Variants in GPC5 observed in about 807,000 individuals in gnomAD.
GPC5 encodes the protein glypican 5, also known as glypican-5.
Under a neutral mutation model 53.9 loss-of-function variants are expected in GPC5, and 47 were observed. The ratio of observed to expected loss-of-function variants is 0.87; its 90% CI spans 0.69 to 1.11. The LOEUF is 1.11. Among genes scored for constraint, GPC5 ranks in the 50% most tolerant of loss-of-function variants. The pLI is 0.00. For missense variants in GPC5, 748 were observed against 713.1 expected, an observed-to-expected ratio of 1.05 and a Z score of -0.56; for synonymous variants, 286 against 263.3, an observed-to-expected ratio of 1.09 and a Z score of -0.84.
intron 7 of GPC5, among the ~76,000 whole-genome samples, chr13:92,455,656 T>A (rs1594216014): frequency 6.6e-6 from 1 of 152,194 alleles, no homozygotes; most frequent in African/African-American, 2.4e-5. Flanking sequence ...AATTCTGAGA[T>A]TCTTAAAAAA....
intron 1 of GPC5, among the ~76,000 whole-genome samples, chr13:91,434,342 A>G (rs1373733634): frequency 6.6e-6 from 1 of 152,016 alleles, no homozygotes; most frequent in Non-Finnish European, 1.5e-5. Context: ...TAGGTCTAAC[A>G]TTTAAGTCTT....
At chr13:92,838,384 T>C (rs370264228) in intron 7 of GPC5, among the ~76,000 whole-genome samples, 1 of 150,482 alleles carries the variant, frequency 6.6e-6, no homozygotes, top group Non-Finnish European at 1.5e-5. Flanking sequence ...CTCAGGAGGC[T>C]GAGGCAGGAG....
rs557957475 is a variant in GPC5 at position 91,740,346 on chromosome 13, T to C, written c.1154+11681T>C. 2.8e-4 allele frequency among the ~76,000 whole-genome samples: 43 copies of C among 152,338 alleles called. No homozygotes were observed. The South Asian group carries it at 5.6e-3, about 20-fold the overall frequency. ...ATTTTTTTCTCCCTGTTTTTCTATA[T>C]TCATTTCACAGAGGTCCCTTCTGTT... On this transcript the variant is annotated intron_variant, in intron 4 of 7. Transcript: ENST00000377067.
intron 5 of GPC5, among the ~76,000 whole-genome samples, chr13:91,839,188 T>C (rs1018700166): frequency 2.0e-5 from 3 of 152,182 alleles, no homozygotes; most frequent in African/African-American, 7.2e-5. Context: ...ACTTGTTTAT[T>C]TATTTAGTCC....
intron 5 of GPC5, among the ~76,000 whole-genome samples, chr13:91,827,646 G>A (rs186970135): frequency 2.0e-5 from 3 of 152,078 alleles, no homozygotes; most frequent in Admixed American, 6.6e-5. Context: ...AATCAAGACT[G>A]CAATGAAATA....
intron 7 of GPC5, among the ~76,000 whole-genome samples, chr13:92,821,206 A>G (rs1468681327): frequency 6.6e-6 from 1 of 152,214 alleles, no homozygotes; most frequent in Non-Finnish European, 1.5e-5. Flanking sequence ...TACATTTGTT[A>G]AATGAATGAA....
intron 6 of GPC5, among the ~76,000 whole-genome samples, chr13:92,120,728 G>A (rs2041642363): frequency 6.6e-6 from 1 of 152,102 alleles, no homozygotes; most frequent in Non-Finnish European, 1.5e-5. Context: ...TTTAAGTGAT[G>A]TTTACTAAAC....
intron 6 of GPC5, among the ~76,000 whole-genome samples, chr13:91,928,069 T>C (rs2039785530): frequency 2.0e-5 from 3 of 152,204 alleles, no homozygotes; most frequent in African/African-American, 7.2e-5. Flanking sequence ...CATATCCACA[T>C]ATTCTCCATC....
chr13:92,227,562 C>T (rs1468266502), intron 7 of GPC5, among the ~76,000 whole-genome samples: 1 of 152,088 alleles, frequency 6.6e-6, no homozygotes, highest in Non-Finnish European at 1.5e-5. Flanking sequence ...GGAAAGCTAT[C>T]ATGTGAAAGA....
At chr13:91,617,565 A>G (rs1320964222) in intron 2 of GPC5, among the ~76,000 whole-genome samples, 1 of 152,120 alleles carries the variant, frequency 6.6e-6, no homozygotes, top group East Asian at 1.9e-4. Context: ...GATATTCTCT[A>G]AAAGACTCTT....
At position 92,711,575 on chromosome 13, in the gene GPC5, A is replaced by G. The variant is rs78324897; in HGVS notation, c.1562-154707A>G. Reference sequence around the variant, plus strand: ...AGAAAATCAAGGTTACAGAGAAAATATCACCATCAATCAACTGTCTCTAAT... The same window carrying G: ...AGAAAATCAAGGTTACAGAGAAAATGTCACCATCAATCAACTGTCTCTAAT... On this transcript the variant is annotated intron_variant, in intron 7 of 7. Coordinates refer to ENST00000377067, the MANE Select transcript of GPC5 (RefSeq NM_004466.6). Among the ~76,000 whole-genome samples the G allele has an allele frequency of 4.2e-3, 641 of 152,248 alleles. 8 individuals are homozygous for G. The East Asian group carries it at 0.056, about 13-fold the overall frequency.
At chr13:92,275,892 A>G (rs17429394) in intron 7 of GPC5, among the ~76,000 whole-genome samples, 7,117 of 152,218 alleles carry the variant, frequency 0.047, 181 homozygotes, top group East Asian at 0.066. Flanking sequence ...GACATTTGCA[A>G]TTCTTTGTTG....
intron 6 of GPC5, among the ~76,000 whole-genome samples, chr13:91,908,576 T>G (rs1185503176): frequency 6.6e-6 from 1 of 152,156 alleles, no homozygotes; most frequent in African/African-American, 2.4e-5. Flanking sequence ...TATTTCTGTT[T>G]TATCTTCAAT....
At chr13:91,517,442 AC>A (rs892147091) in intron 2 of GPC5, among the ~76,000 whole-genome samples, 19 of 152,132 alleles carry the variant, frequency 1.2e-4, no homozygotes, top group African/African-American at 4.3e-4. Context: ...GTTCCCAAAA[AC>A]TTCCTCATCT....
chr13:91,941,630 G>C (rs986048212), intron 6 of GPC5, among the ~76,000 whole-genome samples: 1 of 152,040 alleles, frequency 6.6e-6, no homozygotes, highest in Non-Finnish European at 1.5e-5. Context: ...GATCACATTG[G>C]TTCAGATATC....
At chr13:91,905,892 C>G (rs948955654) in intron 5 of GPC5, among the ~76,000 whole-genome samples, 1 of 152,020 alleles carries the variant, frequency 6.6e-6, no homozygotes, top group Non-Finnish European at 1.5e-5. Context: ...TTTAAAATGT[C>G]TCTTTAATTT....
rs551384933 is a variant in GPC5 at position 92,823,881 on chromosome 13, T to TA, written c.1562-42400dup. Reference sequence around the variant, plus strand: ...TCCATTATATTTCTGCATATGACAATACCACTTATCTCAATACCAACTCAA... The same window carrying TA: ...TCCATTATATTTCTGCATATGACAATAACCACTTATCTCAATACCAACTCAA... On this transcript the variant is annotated intron_variant, in intron 7 of 7. Transcript: ENST00000377067. Among the ~76,000 whole-genome samples, 160 of 152,214 alleles carry TA rather than the reference T, an allele frequency of 1.1e-3. 1 individual carries two copies. Among genetic ancestry groups the TA allele is most frequent in the African/African-American group, 3.8e-3 (158 of 41,566 alleles).
intron 7 of GPC5, among the ~76,000 whole-genome samples, chr13:92,674,617 T>C (rs2139211696): frequency 6.6e-6 from 1 of 151,116 alleles, no homozygotes; most frequent in East Asian, 2.0e-4. Flanking sequence ...GCTCATGGAG[T>C]GGCATATCAT....
intron 7 of GPC5, among the ~76,000 whole-genome samples, chr13:92,791,436 G>T (rs1876460211): frequency 6.7e-6 from 1 of 148,900 alleles, no homozygotes; most frequent in Non-Finnish European, 1.5e-5. Flanking sequence ...GGGGGGGGCG[G>T]GGGAGTGGTG....
Sources: gnomAD v4.1 joint callset for allele counts (sites outside exome capture counted in the v4.1 genomes callset) on GRCh38, gnomAD v4.1.1 for gene constraint, MANE v1.5 for transcripts, NCBI Gene and HGNC (gene_info 2026-07-23, HGNC 2026-07-21) for gene names.